Variants in SMPD1 observed in about 807,000 individuals in gnomAD.
The protein encoded by SMPD1 is sphingomyelin phosphodiesterase 1, also known as sphingomyelin phosphodiesterase.
SMPD1 carries 47 observed loss-of-function variants against 49.7 expected under a neutral mutation model. That is an observed-to-expected ratio of 0.95 (90% confidence interval 0.75 to 1.21). The LOEUF (loss-of-function observed/expected upper bound fraction) is 1.21, where lower values mean the gene tolerates loss of function less well. Ranked by LOEUF, SMPD1 falls within the 50% of genes most tolerant of loss-of-function variation. The pLI, the probability that SMPD1 is intolerant of heterozygous loss-of-function variation, is 0.00. For synonymous variants in SMPD1, 336 were observed against 339.6 expected (o/e 0.99, Z 0.12); for missense variants, 811 against 822.2 (o/e 0.99, Z 0.17).
Position 6,391,507 on chromosome 11 carries a change from T to C in SMPD1, c.442T>C (p.Trp148Arg). The C allele has an allele frequency of 6.2e-7, 1 of 1,614,064 alleles. No individual in the cohort carries two copies. The highest frequency in any genetic ancestry group is 8.5e-7 in the Non-Finnish European group (1 of 1,180,034). ...HLFEDDMVEVWRRSVLSPSEA... is the reference protein window; with the variant it reads ...HLFEDDMVEVRRRSVLSPSEA... Reference sequence around the variant, plus strand: ...CTTTGAGGATGACATGGTGGAGGTGTGGAGACGCTCAGTGCTGAGCCCATC... The same window carrying C: ...CTTTGAGGATGACATGGTGGAGGTGCGGAGACGCTCAGTGCTGAGCCCATC... The change falls in exon 2 of 6, where the codon TGG becomes CGG. Residue 148 changes from tryptophan (W) to arginine (R), a missense_variant. Coordinates refer to ENST00000342245, the MANE Select transcript of SMPD1 (RefSeq NM_000543.5).
Position 6,390,799 on chromosome 11 carries a change from A to G in SMPD1, c.201A>G (p.Gln67=), listed in dbSNP as rs11544728. ...APAEAHPLSP[Q]GHPARLHRIV... ...CAGAGGCTCACCCTCTTTCTCCCCA[A>G]GGCCATCCTGCCAGGTTACATCGCA... is the stretch of plus-strand genomic sequence containing the variant. Residue 67 remains glutamine (Q), a synonymous_variant, in exon 1 of 6, where the codon CAA becomes CAG. Transcript: ENST00000342245. 2.5e-6 allele frequency: 4 copies of G among 1,614,022 alleles called. No individual in the cohort carries two copies. The highest frequency in any genetic ancestry group is 2.5e-6 in the Non-Finnish European group (3 of 1,179,974).
Position 6,394,289 on chromosome 11 carries a change from A to T in SMPD1, c.1578A>T (p.Ala526=), listed in dbSNP as rs1367527615. 6.2e-7 allele frequency: 1 copy of T among 1,614,118 alleles called. No individual in the cohort carries two copies. The highest frequency in any genetic ancestry group is 2.2e-5 in the East Asian group (1 of 44,894). ...HETYILNLTQ[A]NIPGAIPHWQ... ...CCTACATCCTGAATCTGACCCAGGC[A>T]AACATACCGGGAGCCATACCGCACT... Residue 526 remains alanine (A), a synonymous_variant, in exon 6 of 6, where the codon GCA becomes GCT. Transcript: ENST00000342245.
At chr11:6,390,968 G>GGGGGCT (rs764802104) in intron 1 of SMPD1, 52 bp downstream of exon 1, 5 of 1,602,936 alleles carry the variant, frequency 3.1e-6, no homozygotes, top group East Asian at 4.5e-5. Flanking sequence ...TGCTGGGGCT[G>GGGGGCT]GGGGCTGGGG....
Position 6,394,443 on chromosome 11 carries a change from A to G in SMPD1, c.1732A>G (p.Lys578Glu), listed in dbSNP as rs1848095896. Reference protein sequence around the residue: ...LFQTFWFLYHKGHPPSEPCGT... With the variant: ...LFQTFWFLYHEGHPPSEPCGT... ...CCAGACCTTCTGGTTTCTCTACCATAAGGGCCACCCACCCTCGGAGCCCTG... is the reference window on the plus strand; with the variant it reads ...CCAGACCTTCTGGTTTCTCTACCATGAGGGCCACCCACCCTCGGAGCCCTG... The change falls in exon 6 of 6, where the codon AAG (lysine) becomes GAG (glutamate). Residue 578 changes from lysine to glutamate, a missense_variant. Physicochemically the swap from Lys to Glu is moderately conservative, Grantham distance 56. Coordinates refer to ENST00000342245, the MANE Select transcript of SMPD1 (RefSeq NM_000543.5). The G allele has an allele frequency of 1.2e-6, 2 of 1,614,028 alleles. No individual in the cohort carries two copies. Among genetic ancestry groups the G allele is most frequent in the African/African-American group, 2.7e-5 (2 of 74,906 alleles).
Position 6,391,606 on chromosome 11 carries a change from C to A in SMPD1, c.541C>A (p.Pro181Thr), listed in dbSNP as rs1341285917. ...DIFSSWNISLPTVPKPPPKPP... is the reference protein window; with the variant it reads ...DIFSSWNISLTTVPKPPPKPP... ...TTTCTCATCTTGGAACATCTCTTTG[C>A]CTACTGTGCCGAAGCCGCCCCCCAA... The change falls in exon 2 of 6, where the codon CCT becomes ACT. Residue 181 changes from proline to threonine, a missense_variant. Transcript: ENST00000342245. 4 of 1,596,878 alleles carry A rather than the reference C, an allele frequency of 2.5e-6. No individual in the cohort carries two copies. Among genetic ancestry groups the A allele is most frequent in the Non-Finnish European group, 2.6e-6 (3 of 1,171,796 alleles).
rs758313663 is a variant in SMPD1, at chr11:6,391,551, C to A, written c.486C>A (p.Leu162=). The change falls in exon 2 of 6, where the codon CTC becomes CTA. Residue 162 remains leucine (L), a synonymous_variant. Coordinates refer to ENST00000342245, the MANE Select transcript of SMPD1 (RefSeq NM_000543.5). ...VLSPSEACGL[L]LGSTCGHWDI... ...GCCCATCTGAGGCCTGTGGCCTGCT[C>A]CTGGGCTCCACCTGTGGGCACTGGG... 3.1e-6 allele frequency: 5 copies of A among 1,613,730 alleles called. No homozygotes were observed. The African/African-American group carries it at 6.7e-5, about 22-fold the overall frequency.
intron 2 of SMPD1, 141 bp from the exon 3 acceptor site, chr11:6,393,073 GAA>G (rs1055441709): frequency 1.5e-6 from 1 of 681,104 alleles, no homozygotes; most frequent in African/African-American, 1.8e-5. Flanking sequence ...CCAATAATTA[GAA>G]CTGTTTGGTC....
rs1436174840 is a variant in SMPD1, at chr11:6,390,715, G to A, written c.117G>A (p.Leu39=). 7.7e-6 allele frequency: 12 copies of A among 1,548,700 alleles called. No homozygotes were observed. Among genetic ancestry groups the A allele is most frequent in the Non-Finnish European group, 1.0e-5 (12 of 1,147,586 alleles). The change falls in exon 1 of 6, where the codon CTG becomes CTA. Residue 39 remains leucine (L), a synonymous_variant. Coordinates refer to ENST00000342245, the MANE Select transcript of SMPD1 (RefSeq NM_000543.5). ...TTTGGATGGGCCTGGTGCTGGCGCT[G>A]GCGCTGGCGCTGGCGCTGGCGCTGG... ...GLLWMGLVLA[L]ALALALALAL...
At position 6,394,436 on chromosome 11, in the gene SMPD1, C is replaced by T. The variant is rs780285591; in HGVS notation, c.1725C>T (p.Leu575=). ...AACTTTTCCAGACCTTCTGGTTTCT[C>T]TACCATAAGGGCCACCCACCCTCGG... The part of the protein sequence containing the change: ...DMQLFQTFWF[L]YHKGHPPSEP... Residue 575 remains leucine, a synonymous_variant, in exon 6 of 6, where the codon CTC becomes CTT. Coordinates refer to ENST00000342245, the MANE Select transcript of SMPD1 (RefSeq NM_000543.5). 37 of 1,614,112 alleles carry T rather than the reference C, an allele frequency of 2.3e-5. No homozygotes were observed. The highest frequency in any genetic ancestry group is 3.1e-5 in the Non-Finnish European group (37 of 1,180,046).
intron 1 of SMPD1, 39 bp from the exon 2 acceptor site, chr11:6,391,345 C>G: frequency 6.2e-7 from 1 of 1,608,570 alleles, no homozygotes; most frequent in Non-Finnish European, 8.5e-7. Context: ...TTCCTCTGCT[C>G]TGCCTCTGAT....
In SMPD1 at chr11:6,393,289, C is replaced by T. The variant is rs570674743; in HGVS notation, c.1165C>T (p.Arg389Cys). The change falls in exon 3 of 6, where the codon CGT (arginine) becomes TGT (cysteine). Residue 389 changes from arginine to cysteine, a missense_variant. By Grantham distance (180) the Arg-to-Cys change is radical. Coordinates refer to ENST00000342245, the MANE Select transcript of SMPD1 (RefSeq NM_000543.5). ...CTCTCTCAATATGAATTTTTGTTCCCGTGAGAACTTCTGGCTCTTGATCAA... is the reference window on the plus strand; with the variant it reads ...CTCTCTCAATATGAATTTTTGTTCCTGTGAGAACTTCTGGCTCTTGATCAA... ...LISLNMNFCS[R>C]ENFWLLINST... 6.5e-5 allele frequency: 105 copies of T among 1,613,942 alleles called. No individual in the cohort carries two copies. Among genetic ancestry groups the T allele is most frequent in the Admixed American group, 1.3e-4 (8 of 60,030 alleles).
In SMPD1 at chr11:6,391,858, G is replaced by A; in HGVS notation, c.793G>A (p.Gly265Arg). The A allele has an allele frequency of 1.2e-6, 2 of 1,613,876 alleles. No individual in the cohort carries two copies. Among genetic ancestry groups the A allele is most frequent in the Non-Finnish European group, 1.7e-6 (2 of 1,179,916 alleles). ...GAGGACCCTGGAGAGCCTGTTGAGT[G>A]GGCTGGGCCCAGCCGGCCCTTTTGA... ...PLRTLESLLSGLGPAGPFDMV... is the reference protein window; with the variant it reads ...PLRTLESLLSRLGPAGPFDMV... The change falls in exon 2 of 6, where the codon GGG becomes AGG. Residue 265 changes from glycine to arginine, a missense_variant. By Grantham distance (125) the Gly-to-Arg change is moderately radical. Coordinates refer to ENST00000342245, the MANE Select transcript of SMPD1 (RefSeq NM_000543.5).
chr11:6,394,541 C>A lies in SMPD1; in HGVS notation c.1830C>A (p.Arg610=), dbSNP rs528414255. ...SARADSPALC[R]HLMPDGSLPE... ...GTGCTGACAGCCCTGCTCTGTGCCG[C>A]CACCTGATGCCAGATGGGAGCCTCC... Residue 610 remains arginine (R), a synonymous_variant, in exon 6 of 6, where the codon CGC becomes CGA. Transcript: ENST00000342245. 14 of 1,609,026 alleles carry A rather than the reference C, an allele frequency of 8.7e-6. No homozygotes were observed. Among genetic ancestry groups the A allele is most frequent in the Admixed American group, 1.7e-5 (1 of 60,002 alleles).
At chr11:6,394,092 G>A (rs1564927107) in intron 5 of SMPD1, 51 bp downstream of exon 5, 2 of 1,613,932 alleles carry the variant, frequency 1.2e-6, no homozygotes, top group Non-Finnish European at 8.5e-7. Flanking sequence ...GTGGGATAGG[G>A]GAAGGAGGTT....
rs749224804 is a variant in SMPD1, at chr11:6,390,936, C to T, written c.318+20C>T. On this transcript the variant is annotated intron_variant, in intron 1 of 5. Coordinates refer to ENST00000342245, the MANE Select transcript of SMPD1 (RefSeq NM_000543.5). ...CTGAAGGTGAGCACTGAAGGGGCTG[C>T]AGTGGAGGAGGCCGAAAGGAGTGCT... 2.5e-6 allele frequency: 4 copies of T among 1,613,254 alleles called. No homozygotes were observed. The highest frequency in any genetic ancestry group is 2.5e-6 in the Non-Finnish European group (3 of 1,179,930).
Position 6,391,402 on chromosome 11 carries a change from C to CG in SMPD1, c.338dup (p.Val114ArgfsTer28). On this transcript the variant is annotated frameshift_variant, in exon 2 of 6. Transcript: ENST00000342245. LOFTEE classifies it high-confidence loss of function. Reference sequence around the variant, plus strand: ...ACTGCAGAAGGAACCCAATGTGGCTCGCGTGGGCTCCGTGGCCATCAAGCT... The same window carrying CG: ...ACTGCAGAAGGAACCCAATGTGGCTCGGCGTGGGCTCCGTGGCCATCAAGCT... The CG allele has an allele frequency of 6.2e-7, 1 of 1,612,716 alleles. No homozygotes were observed. Among genetic ancestry groups the CG allele is most frequent in the Non-Finnish European group, 8.5e-7 (1 of 1,179,976 alleles).
Position 6,394,614 on chromosome 11 carries a change from A to T in SMPD1, c.*7A>T. 1.3e-6 allele frequency: 2 copies of T among 1,598,826 alleles called. No individual in the cohort carries two copies. Among genetic ancestry groups the T allele is most frequent in the Middle Eastern group, 3.3e-4 (2 of 6,028 alleles). ...AAGGCCACTGTTTTGCTAGGGCCCC[A>T]GGGCCCACATTTGGGAAAGTTCTTG... On this transcript the variant is annotated 3_prime_UTR_variant, in exon 6 of 6. Coordinates refer to ENST00000342245, the MANE Select transcript of SMPD1 (RefSeq NM_000543.5).
In SMPD1 at chr11:6,393,218, T is replaced by G; in HGVS notation, c.1094T>G (p.Ile365Ser). 1.2e-6 allele frequency: 2 copies of G among 1,613,632 alleles called. No homozygotes were observed. The highest frequency in any genetic ancestry group is 1.7e-6 in the Non-Finnish European group (2 of 1,179,634). Residue 365 changes from isoleucine to serine, a missense_variant and splice_region_variant, in exon 3 of 6, where the codon ATT becomes AGT. Ile to Ser is a moderately radical substitution (Grantham distance 142). Coordinates refer to ENST00000342245, the MANE Select transcript of SMPD1 (RefSeq NM_000543.5). ...CTCTCATGTTTACTTTGTTTCAGAA[T>G]TGGGGGGTTCTATGCTCTTTCCCCA... is the stretch of plus-strand genomic sequence containing the variant. The part of the protein sequence containing the change: ...LPAEALRTLR[I>S]GGFYALSPYP...
In SMPD1 at chr11:6,393,908, C is replaced by T. The variant is rs1165346449; in HGVS notation, c.1353C>T (p.Thr451=). ...ACCTTCTGGCCAGGTATGAGAACAC[C>T]CTGGCTGCTCAGTTCTTTGGCCACA... The part of the protein sequence containing the change: ...YYRIVARYEN[T]LAAQFFGHTH... Residue 451 remains threonine (T), a synonymous_variant, in exon 5 of 6, where the codon ACC becomes ACT. Coordinates refer to ENST00000342245, the MANE Select transcript of SMPD1 (RefSeq NM_000543.5). The T allele has an allele frequency of 6.2e-7, 1 of 1,614,154 alleles. No homozygotes were observed. The highest frequency in any genetic ancestry group is 1.1e-5 in the South Asian group (1 of 91,082).
Sources: gnomAD v4.1 joint callset for allele counts on GRCh38, gnomAD v4.1.1 for gene constraint, MANE v1.5 for transcripts, NCBI Gene and HGNC (gene_info 2026-07-23, HGNC 2026-07-21) for gene names.